The following EYA1 variants were observed in gnomAD, a reference collection of about 807,000 sequenced individuals.
The protein encoded by EYA1 is protein phosphatase EYA1.
In EYA1, 16 loss-of-function variants were observed where a neutral mutation model predicts 82.0. The observed-to-expected ratio is 0.20, with a 90% CI of 0.13 to 0.30. EYA1 has a LOEUF of 0.30. Among genes scored for constraint, EYA1 ranks in the 10% least tolerant of loss-of-function variants. The probability of loss-of-function intolerance (pLI) is 1.00; values close to 1 mark genes in which losing one functional copy is unlikely to be tolerated. For synonymous variants in EYA1, 261 were observed against 264.4 expected, an observed-to-expected ratio of 0.99 and a Z score of 0.12; for missense variants, 633 against 730.7, an observed-to-expected ratio of 0.87 and a Z score of 1.54.
At chr8:71,413,946 G>A (rs950374283) in intron 2 of EYA1, among the ~76,000 whole-genome samples, 2 of 152,162 alleles carry the variant, frequency 1.3e-5, no homozygotes, top group Admixed American at 6.5e-5. Context: ...CTAGAAGGTA[G>A]AATCTAAGAC....
intron 9 of EYA1, among the ~76,000 whole-genome samples, chr8:71,283,015 C>A (rs148106158): frequency 1.4e-3 from 204 of 146,408 alleles, no homozygotes; most frequent in African/African-American, 4.8e-3. Flanking sequence ...TGTAAGAAAT[C>A]ATGCCATGCT....
intron 2 of EYA1, among the ~76,000 whole-genome samples, chr8:71,453,838 G>A (rs145564900): frequency 0.042 from 6,334 of 152,122 alleles, 445 homozygotes; most frequent in African/African-American, 0.14. Flanking sequence ...AAAGACCATC[G>A]ATGCTAGGAA....
At chr8:71,289,951 G>C (rs749353583) in intron 9 of EYA1, among the ~76,000 whole-genome samples, 1 of 152,140 alleles carries the variant, frequency 6.6e-6, no homozygotes, top group South Asian at 2.1e-4. Context: ...GAAAAAAAGA[G>C]AGGCGGGGGA....
At chr8:71,473,681 C>T (rs1205315991) in intron 2 of EYA1, among the ~76,000 whole-genome samples, 1 of 152,102 alleles carries the variant, frequency 6.6e-6, no homozygotes, top group Non-Finnish European at 1.5e-5. Context: ...ATCAATTGAC[C>T]CATCAATCCC....
chr8:71,481,511 G>GT (rs1365855033), intron 2 of EYA1, among the ~76,000 whole-genome samples: 1 of 152,068 alleles, frequency 6.6e-6, no homozygotes, highest in African/African-American at 2.4e-5. Flanking sequence ...AAAGAAAAAT[G>GT]TTTTTTTCTG....
chr8:71,527,302 G>T (rs1167104654), intron 2 of EYA1, among the ~76,000 whole-genome samples: 2 of 152,144 alleles, frequency 1.3e-5, no homozygotes, highest in Non-Finnish European at 2.9e-5. Flanking sequence ...ATCCCTTGGT[G>T]ACCACCACAC....
At chr8:71,281,539 G>A (rs1817817246) in intron 9 of EYA1, among the ~76,000 whole-genome samples, 1 of 152,236 alleles carries the variant, frequency 6.6e-6, no homozygotes, top group African/African-American at 2.4e-5. Context: ...TTAAACATCT[G>A]AAAGAGGAAA....
intron 17 of EYA1, chr8:71,204,157 C>G (rs1352207557): frequency 6.6e-6 from 1 of 152,200 alleles, no homozygotes; most frequent in Non-Finnish European, 1.5e-5. Context: ...AAAATTAGCA[C>G]ATGCTTTTGT....
intron 4 of EYA1, chr8:71,322,574 T>C: frequency 2.6e-6 from 1 of 381,806 alleles, no homozygotes; most frequent in Non-Finnish European, 5.0e-6. Flanking sequence ...ACTTAAAGAG[T>C]ACAAGGAGTC....
intron 2 of EYA1, among the ~76,000 whole-genome samples, chr8:71,368,406 C>G (rs1827881810): frequency 6.6e-6 from 1 of 151,988 alleles, no homozygotes; most frequent in Non-Finnish European, 1.5e-5. Context: ...TCCTGTCTTT[C>G]CCTGAGAGGA....
chr8:71,525,839 C>A (rs902464452), intron 2 of EYA1, among the ~76,000 whole-genome samples: 1 of 152,186 alleles, frequency 6.6e-6, no homozygotes, highest in Non-Finnish European at 1.5e-5. Flanking sequence ...GCCTGAAGAT[C>A]TTTTTCTGTT....
intron 2 of EYA1, among the ~76,000 whole-genome samples, chr8:71,466,706 A>C (rs1275443519): frequency 6.6e-6 from 1 of 152,136 alleles, no homozygotes; most frequent in Non-Finnish European, 1.5e-5. Flanking sequence ...TTCTAAATTA[A>C]ATATGTTGTT....
chr8:71,273,718 AC>A (rs1816813123), intron 9 of EYA1, among the ~76,000 whole-genome samples: 1 of 152,228 alleles, frequency 6.6e-6, no homozygotes, highest in African/African-American at 2.4e-5. Context: ...TACAACCAGT[AC>A]AGTCACCATC....
chr8:71,539,402 C>A (rs1198133527), intron 1 of EYA1, among the ~76,000 whole-genome samples: 1 of 152,196 alleles, frequency 6.6e-6, no homozygotes, highest in African/African-American at 2.4e-5. Context: ...GGGGCACCCA[C>A]AGCTCCAGGT....
intron 2 of EYA1, among the ~76,000 whole-genome samples, chr8:71,418,891 A>G (rs1830998247): frequency 6.6e-6 from 1 of 152,164 alleles, no homozygotes; most frequent in Non-Finnish European, 1.5e-5. Context: ...ATGGGGACCT[A>G]AAGGAAGTAA....
chr8:71,479,800 C>A (rs1036631636), intron 2 of EYA1, among the ~76,000 whole-genome samples: 1 of 152,104 alleles, frequency 6.6e-6, no homozygotes, highest in Non-Finnish European at 1.5e-5. Context: ...TACCTGAACA[C>A]CACTCAACTG....
chr8:71,233,250 G>A (rs916271286), intron 12 of EYA1, among the ~76,000 whole-genome samples: 3 of 152,160 alleles, frequency 2.0e-5, no homozygotes, highest in Non-Finnish European at 4.4e-5. Context: ...AATTATTTCT[G>A]TATCATTTTA....
At chr8:71,310,592 C>T (rs905269034) in intron 7 of EYA1, among the ~76,000 whole-genome samples, 1 of 152,270 alleles carries the variant, frequency 6.6e-6, no homozygotes. Flanking sequence ...AGGACATGAT[C>T]TCATTCTTTT....
chr8:71,210,551 A>ATGAT (rs1212211532), intron 17 of EYA1, among the ~76,000 whole-genome samples: 2 of 152,334 alleles, frequency 1.3e-5, no homozygotes, highest in Non-Finnish European at 1.5e-5. Flanking sequence ...GCTCAGAGAA[A>ATGAT]TGATAGAATT....
Sources: gnomAD v4.1 joint callset for allele counts (sites outside exome capture counted in the v4.1 genomes callset) on GRCh38, gnomAD v4.1.1 for gene constraint, MANE v1.5 for transcripts, NCBI Gene and HGNC (gene_info 2026-07-23, HGNC 2026-07-21) for gene names.